The following GABRB1 variants were observed in gnomAD, a reference collection of about 807,000 sequenced individuals.
The protein encoded by GABRB1 is gamma-aminobutyric acid receptor subunit beta-1.
In GABRB1, 17 loss-of-function variants were observed where a neutral mutation model predicts 51.6. That is an observed-to-expected ratio of 0.33 (90% CI 0.23 to 0.49). The LOEUF is 0.49. GABRB1 is among the 20% of genes least tolerant of loss of function. GABRB1 has a pLI of 0.99. For synonymous variants in GABRB1, 247 were observed against 218.9 expected, an observed-to-expected ratio of 1.13 and a Z score of -1.14; for missense variants, 410 against 600.6, an observed-to-expected ratio of 0.68 and a Z score of 3.32.
At chr4:47,101,014 G>T (rs1005633737) in intron 3 of GABRB1, among the ~76,000 whole-genome samples, 1 of 151,958 alleles carries the variant, frequency 6.6e-6, no homozygotes, top group Non-Finnish European at 1.5e-5. Flanking sequence ...AGGCTCGAAG[G>T]TTAGGTTGCA....
intron 5 of GABRB1, among the ~76,000 whole-genome samples, chr4:47,372,967 G>A (rs1180912013): frequency 6.6e-6 from 1 of 152,074 alleles, no homozygotes; most frequent in African/African-American, 2.4e-5. Context: ...ACCTCTTTCT[G>A]CTGGACCCAC....
chr4:47,202,144 T>G (rs1441950194), intron 4 of GABRB1, among the ~76,000 whole-genome samples: 2 of 152,136 alleles, frequency 1.3e-5, no homozygotes, highest in Non-Finnish European at 2.9e-5. Context: ...TGGAAGTAAT[T>G]GAATCATCGG....
intron 4 of GABRB1, among the ~76,000 whole-genome samples, chr4:47,202,049 G>A (rs1719918853): frequency 6.6e-6 from 1 of 152,090 alleles, no homozygotes; most frequent in African/African-American, 2.4e-5. Flanking sequence ...GGTTGTTGAT[G>A]TGGTTAGGCC....
At chr4:47,422,492 T>C (rs976049748) in intron 8 of GABRB1, among the ~76,000 whole-genome samples, 4 of 152,236 alleles carry the variant, frequency 2.6e-5, no homozygotes, top group African/African-American at 4.8e-5. Flanking sequence ...AATGGCCTTA[T>C]TGATAAATCT....
chr4:47,339,823 G>GCACACACACACACACACACACACACA (rs150988131), intron 5 of GABRB1, among the ~76,000 whole-genome samples: 1 of 141,882 alleles, frequency 7.0e-6, no homozygotes, highest in African/African-American at 2.6e-5. Flanking sequence ...ATAAATAAAT[G>GCACACACACACACACACACACACACA]CACACACACA....
Position 47,012,591 on chromosome 4 carries a change from T to A in GABRB1, c.-20+18665T>A, listed in dbSNP as rs546859092. 1.0e-3 allele frequency among the ~76,000 whole-genome samples: 159 copies of A among 152,332 alleles called. 1 individual carries two copies. Among genetic ancestry groups the A allele is most frequent in the African/African-American group, 3.3e-3 (137 of 41,590 alleles). On this transcript the variant is annotated intron_variant, in intron 1 of 3. Coordinates refer to the GABRB1 transcript ENST00000513567. ...TGTCATGGTAATCAACCCTAGCCTC[T>A]ATAACAAAAACAATACAAAATAATG...
chr4:47,026,309 C>T (rs1027636029), intron 1 of GABRB1, among the ~76,000 whole-genome samples: 3 of 151,838 alleles, frequency 2.0e-5, no homozygotes, highest in Non-Finnish European at 4.4e-5. Flanking sequence ...AATGAATTAG[C>T]GCAAAGTTTA....
intron 4 of GABRB1, among the ~76,000 whole-genome samples, chr4:47,240,856 T>A (rs1721494059): frequency 6.6e-6 from 1 of 152,184 alleles, no homozygotes; most frequent in Admixed American, 6.6e-5. Flanking sequence ...TTTTAACTGT[T>A]ATTTTTCTCA....
At chr4:47,325,871 T>C (rs535043269) in intron 5 of GABRB1, among the ~76,000 whole-genome samples, 19 of 152,160 alleles carry the variant, frequency 1.2e-4, no homozygotes, top group Non-Finnish European at 2.8e-4. Context: ...CAAAAATTCA[T>C]ATGTTGAAAC....
rs34275303 is a variant in GABRB1, at chr4:47,425,377, C to CCACACACA, written c.1081-262_1081-255dup. Among the ~76,000 whole-genome samples, 454 of 138,380 alleles carry CCACACACA rather than the reference C, an allele frequency of 3.3e-3. 2 individuals carry two copies. The highest frequency in any genetic ancestry group is 9.1e-3 in the African/African-American group (336 of 36,826). 90.8% of individuals were successfully genotyped at this position (138,380 alleles called of 152,430 possible). A position where few individuals can be genotyped will look rare whatever the true frequency, so the allele number is the denominator to read the frequency against. ...ACCACTTTTATAACAAGAAGAAATACCACACACACACACACACACACACAC... is the reference window on the plus strand; with the variant it reads ...ACCACTTTTATAACAAGAAGAAATACCACACACACACACACACACACACACACACACAC... On this transcript the variant is annotated intron_variant, in intron 8 of 8. Transcript: ENST00000295454.
At chr4:47,135,990 G>A (rs922629744) in intron 3 of GABRB1, among the ~76,000 whole-genome samples, 1 of 151,704 alleles carries the variant, frequency 6.6e-6, no homozygotes, top group East Asian at 1.9e-4. Flanking sequence ...GTTTTTGTGG[G>A]GTTTGTTTGT....
At chr4:47,038,211 T>C (rs1725681994) in intron 3 of GABRB1, among the ~76,000 whole-genome samples, 1 of 152,190 alleles carries the variant, frequency 6.6e-6, no homozygotes, top group African/African-American at 2.4e-5. Flanking sequence ...GAGTTCCCAC[T>C]GAGTGCAAAT....
At chr4:47,218,493 T>G (rs1720642644) in intron 4 of GABRB1, among the ~76,000 whole-genome samples, 1 of 151,826 alleles carries the variant, frequency 6.6e-6, no homozygotes, top group Non-Finnish European at 1.5e-5. Flanking sequence ...TTGCCAACAT[T>G]TGTTACTTTT....
At chr4:47,239,317 A>G (rs927011553) in intron 4 of GABRB1, among the ~76,000 whole-genome samples, 1 of 152,196 alleles carries the variant, frequency 6.6e-6, no homozygotes, top group Non-Finnish European at 1.5e-5. Flanking sequence ...TCTGTGTAAT[A>G]TTCTATCCAT....
At chr4:47,269,523 G>A (rs531957926) in intron 4 of GABRB1, among the ~76,000 whole-genome samples, 2 of 152,270 alleles carry the variant, frequency 1.3e-5, no homozygotes, top group African/African-American at 2.4e-5. Context: ...AGGTGTGGGG[G>A]AGGGGGTAGG....
At chr4:47,204,046 T>A (rs1720014229) in intron 4 of GABRB1, among the ~76,000 whole-genome samples, 1 of 152,174 alleles carries the variant, frequency 6.6e-6, no homozygotes. Context: ...AGATAAAGGC[T>A]GAGAAATAAA....
At chr4:47,177,372 C>A (rs576766622) in intron 4 of GABRB1, among the ~76,000 whole-genome samples, 62 of 152,134 alleles carry the variant, frequency 4.1e-4, no homozygotes, top group Non-Finnish European at 7.8e-4. Context: ...GAAAAAGAGC[C>A]TAGCTACTAC....
At position 47,149,920 on chromosome 4, in the gene GABRB1, T is replaced by C. The variant is rs182178757; in HGVS notation, c.241-11329T>C. 1.2e-4 allele frequency among the ~76,000 whole-genome samples: 19 copies of C among 152,060 alleles called. No individual in the cohort carries two copies. In the East Asian group the frequency reaches 3.5e-3, roughly 28 times the overall value. On this transcript the variant is annotated intron_variant, in intron 3 of 8. Coordinates refer to ENST00000295454, the MANE Select transcript of GABRB1 (RefSeq NM_000812.4). ...AAAGACCAACAGAAGTTAGAACAGATGCTCAATGAGTTCGAGCCACTGGAG... is the reference window on the plus strand; with the variant it reads ...AAAGACCAACAGAAGTTAGAACAGACGCTCAATGAGTTCGAGCCACTGGAG...
chr4:46,998,732 TAA>T (rs1031492003), intron 1 of GABRB1, among the ~76,000 whole-genome samples: 11 of 66,412 alleles, frequency 1.7e-4, no homozygotes, highest in African/African-American at 4.1e-4. Context: ...AGACTCTGTC[TAA>T]AAAAAAAAAA....
Sources: gnomAD v4.1 joint callset for allele counts (sites outside exome capture counted in the v4.1 genomes callset) on GRCh38, gnomAD v4.1.1 for gene constraint, MANE v1.5 for transcripts, NCBI Gene and HGNC (gene_info 2026-07-23, HGNC 2026-07-21) for gene names.